The following SMAD4 variants were observed in gnomAD, a reference collection of about 807,000 sequenced individuals.
The protein encoded by SMAD4 is SMAD family member 4, also known as MAD homolog 4.
Under a neutral mutation model 63.2 loss-of-function variants are expected in SMAD4, and 7 were observed. The observed-to-expected ratio is 0.11, with a 90% CI of 0.06 to 0.21. SMAD4 has a LOEUF of 0.21. SMAD4 is among the 10% of genes least tolerant of loss of function. The pLI, the probability that SMAD4 is intolerant of heterozygous loss-of-function variation, is 1.00. For synonymous variants in SMAD4, 215 were observed against 235.4 expected, an observed-to-expected ratio of 0.91 and a Z score of 0.79; for missense variants, 312 against 693.8, an observed-to-expected ratio of 0.45 and a Z score of 6.18.
rs541221575 is a variant in SMAD4, at chr18:51,079,518, C to CT, written c.*1058dup. On this transcript the variant is annotated 3_prime_UTR_variant, in exon 12 of 12. Transcript: ENST00000342988. ...TATTTTTGTACTTGATTTGATGTGA[C>CT]TTTTTTTGGTATAATGTTTAAATCA... 1 of 233,214 alleles carries CT rather than the reference C, an allele frequency of 4.3e-6. No homozygotes were observed. Among genetic ancestry groups the CT allele is most frequent in the Non-Finnish European group, 8.5e-6 (1 of 117,874 alleles). The allele number at this position is 233,214 out of a possible 1,614,324, so 14.4% of individuals were successfully genotyped here.
At chr18:51,073,388 T>TATATATATATA (rs1417299090) in intron 10 of SMAD4, among the ~76,000 whole-genome samples, 2 of 64,186 alleles carry the variant, frequency 3.1e-5, no homozygotes, top group Non-Finnish European at 5.3e-5. Flanking sequence ...TATATATATA[T>TATATATATATA]ACACACACAC....
At chr18:51,036,546 T>G (rs1442344681) in intron 1 of SMAD4, among the ~76,000 whole-genome samples, 2 of 152,196 alleles carry the variant, frequency 1.3e-5, no homozygotes, top group Non-Finnish European at 2.9e-5. Context: ...CTAAAACTAG[T>G]TGAAGGAAGA....
intron 5 of SMAD4, among the ~76,000 whole-genome samples, chr18:51,056,294 A>G (rs538354805): frequency 1.3e-5 from 2 of 152,186 alleles, no homozygotes; most frequent in Non-Finnish European, 2.9e-5. Context: ...TGCCTTTGTC[A>G]ATGCTTACTA....
chr18:51,070,122 A>G (rs1357861576), intron 10 of SMAD4, among the ~76,000 whole-genome samples: 1 of 152,222 alleles, frequency 6.6e-6, no homozygotes, highest in African/African-American at 2.4e-5. Flanking sequence ...TTATTTATGT[A>G]ATTTAAAGTG....
intron 10 of SMAD4, among the ~76,000 whole-genome samples, chr18:51,070,443 A>G (rs1469702624): frequency 1.3e-5 from 2 of 152,208 alleles, no homozygotes; most frequent in African/African-American, 4.8e-5. Context: ...GATATTTGGA[A>G]TTTAAAAAAA....
In SMAD4 at chr18:51,078,478, C is replaced by G. The variant is rs11663402; in HGVS notation, c.*11C>G. On this transcript the variant is annotated 3_prime_UTR_variant, in exon 12 of 12. Coordinates refer to ENST00000342988, the MANE Select transcript of SMAD4 (RefSeq NM_005359.6). ...CAACCTTTAGACTGAGGTCTTTTAC[C>G]GTTGGGGCCCTTAACCTTATCAGGA... is the stretch of plus-strand genomic sequence containing the variant. The G allele has an allele frequency of 1.3e-6, 2 of 1,588,824 alleles. No homozygotes were observed. The highest frequency in any genetic ancestry group is 1.7e-5 in the Admixed American group (1 of 59,926).
intron 4 of SMAD4, chr18:51,051,459 G>C: frequency 2.2e-6 from 1 of 451,172 alleles, no homozygotes; most frequent in Non-Finnish European, 4.4e-6. Flanking sequence ...TCATTTTTGA[G>C]TTAAAGTCTT....
intron 1 of SMAD4, among the ~76,000 whole-genome samples, chr18:51,039,588 CA>C (rs1909313454): frequency 6.8e-6 from 1 of 147,764 alleles, no homozygotes; most frequent in African/African-American, 2.5e-5. Context: ...ACACTGTGGC[CA>C]GGGGGTGGCT....
rs2144452655 is a variant in SMAD4, at chr18:51,067,141, C to T, written c.1262C>T (p.Ala421Val). The change falls in exon 10 of 12, where the codon GCA (alanine) becomes GTA (valine). Residue 421 changes from alanine to valine, a missense_variant. By Grantham distance (64) the Ala-to-Val change is moderately conservative. Around this residue, in one of 4 missense-constraint regions of SMAD4, gnomAD observed 92 missense variants for 305.9 expected, o/e 0.30. Coordinates refer to ENST00000342988, the MANE Select transcript of SMAD4 (RefSeq NM_005359.6). ...SYYLDREAGR[A>V]PGDAVHKIYP... Reference sequence around the variant, plus strand: ...TACTTAGACAGAGAAGCTGGGCGTGCACCTGGAGATGCTGTTCATAAGATC... The same window carrying T: ...TACTTAGACAGAGAAGCTGGGCGTGTACCTGGAGATGCTGTTCATAAGATC... The T allele has an allele frequency of 6.2e-7, 1 of 1,608,638 alleles. No homozygotes were observed.
At chr18:51,043,465 T>A (rs1909448564) in intron 1 of SMAD4, among the ~76,000 whole-genome samples, 1 of 152,208 alleles carries the variant, frequency 6.6e-6, no homozygotes, top group Non-Finnish European at 1.5e-5. Flanking sequence ...TATAATTTTA[T>A]TTATATCGAT....
chr18:51,052,796 C>G (rs1909744445), intron 4 of SMAD4: 1 of 188,860 alleles, frequency 5.3e-6, no homozygotes, highest in Admixed American at 5.6e-5. Context: ...TACCTCCTTT[C>G]TTACACAAAA....
chr18:51,055,561 C>T (rs1909822712), intron 5 of SMAD4, among the ~76,000 whole-genome samples: 1 of 151,264 alleles, frequency 6.6e-6, no homozygotes, highest in African/African-American at 2.4e-5. Flanking sequence ...AAAGATCCTT[C>T]TTTTCTGCCA....
chr18:51,060,996 C>T (rs1329611508), intron 8 of SMAD4, among the ~76,000 whole-genome samples: 1 of 151,964 alleles, frequency 6.6e-6, no homozygotes, highest in Admixed American at 6.6e-5. Context: ...GTCTTAGCCT[C>T]CCAAAGTGCT....
In SMAD4 at chr18:51,047,175, G is replaced by A. The variant is rs2144401133; in HGVS notation, c.129G>A (p.Leu43=). The change falls in exon 2 of 12, where the codon TTG becomes TTA. Residue 43 remains leucine, a synonymous_variant. Coordinates refer to ENST00000342988, the MANE Select transcript of SMAD4 (RefSeq NM_005359.6). ...TTGCAAAAAGAGCAATTGAAAGTTTGGTAAAGAAGCTGAAGGAGAAAAAAG... is the reference window on the plus strand; with the variant it reads ...TTGCAAAAAGAGCAATTGAAAGTTTAGTAAAGAAGCTGAAGGAGAAAAAAG... ...ETFAKRAIES[L]VKKLKEKKDE... 1 of 1,613,998 alleles carries A rather than the reference G, an allele frequency of 6.2e-7. No homozygotes were observed. Among genetic ancestry groups the A allele is most frequent in the Non-Finnish European group, 8.5e-7 (1 of 1,179,964 alleles).
At chr18:51,032,220 C>A (rs1341325700) in intron 1 of SMAD4, among the ~76,000 whole-genome samples, 1 of 152,120 alleles carries the variant, frequency 6.6e-6, no homozygotes, top group Non-Finnish European at 1.5e-5. Context: ...ATAGAAGTGG[C>A]TTTTTCTTTG....
At chr18:51,051,828 C>T (rs760529568) in intron 4 of SMAD4, among the ~76,000 whole-genome samples, 54 of 151,296 alleles carry the variant, frequency 3.6e-4, no homozygotes, top group Admixed American at 1.1e-3. Context: ...TTTTTTGAGA[C>T]GGAGTTTCGC....
chr18:51,046,255 C>T (rs1241785031), intron 1 of SMAD4, among the ~76,000 whole-genome samples: 1 of 152,166 alleles, frequency 6.6e-6, no homozygotes, highest in African/African-American at 2.4e-5. Context: ...AATTTCTCGG[C>T]TTCTTCAATA....
intron 7 of SMAD4, among the ~76,000 whole-genome samples, chr18:51,059,297 C>T (rs771537072): frequency 2.6e-5 from 4 of 152,194 alleles, no homozygotes; most frequent in Non-Finnish European, 5.9e-5. Flanking sequence ...GGACCTTTAA[C>T]AGGCTGTGTG....
chr18:51,054,736 A>C, intron 4 of SMAD4, 45 bp from the exon 5 acceptor site: 1 of 1,375,242 alleles, frequency 7.3e-7, no homozygotes, highest in Non-Finnish European at 1.0e-6. Flanking sequence ...TTTTCTGGGA[A>C]TAGAAGCTTA....
Sources: gnomAD v4.1 joint callset for allele counts (sites outside exome capture counted in the v4.1 genomes callset) on GRCh38, gnomAD v4.1.1 for gene constraint, gnomAD v4.1.1 regional missense constraint, MANE v1.5 for transcripts, NCBI Gene and HGNC (gene_info 2026-07-23, HGNC 2026-07-21) for gene names.